The following MARCHF8 variants were observed in gnomAD, a reference collection of about 807,000 sequenced individuals.
MARCHF8 encodes the protein membrane associated ring-CH-type finger 8.
Under a neutral mutation model 51.6 loss-of-function variants are expected in MARCHF8, and 40 were observed. The observed-to-expected ratio is 0.77, with a 90% CI of 0.60 to 1.01. The LOEUF is 1.01. MARCHF8 is among the 50% of genes least tolerant of loss of function. The pLI, the probability that MARCHF8 is intolerant of heterozygous loss-of-function variation, is 0.00. For missense variants in MARCHF8, 685 were observed against 708.6 expected (o/e 0.97, Z 0.38); for synonymous variants, 263 against 280.3 (o/e 0.94, Z 0.62).
chr10:45,486,709 T>G (rs1000390489), intron 3 of MARCHF8, among the ~76,000 whole-genome samples: 3 of 152,284 alleles, frequency 2.0e-5, no homozygotes, highest in African/African-American at 7.2e-5. Context: ...GAGTCAGGTT[T>G]GTTGGCTCAG....
intron 1 of MARCHF8, among the ~76,000 whole-genome samples, chr10:45,555,663 G>A (rs1205314344): frequency 6.6e-6 from 1 of 150,886 alleles, no homozygotes; most frequent in Admixed American, 6.6e-5. Context: ...AGGATCGCTT[G>A]AGCCCAGGAG....
In MARCHF8 at chr10:45,459,130, C is replaced by T. The variant is rs201346647; in HGVS notation, c.1407G>A (p.Gly469=). 3.7e-6 allele frequency: 6 copies of T among 1,614,002 alleles called. No individual in the cohort carries two copies. The Admixed American group carries it at 6.7e-5, about 18-fold the overall frequency. The change falls in exon 7 of 8, where the codon GGG becomes GGA. Residue 469 remains glycine, a synonymous_variant. Coordinates refer to ENST00000453424, the MANE Select transcript of MARCHF8 (RefSeq NM_001282866.2). ...IDRTAEEIKQ[G]QATGILEWPF... ...AGCCTGAGAACTCACCTGTTGCCTGCCCCTGCTTGATCTCCTCAGCAGTAC... is the reference window on the plus strand; with the variant it reads ...AGCCTGAGAACTCACCTGTTGCCTGTCCCTGCTTGATCTCCTCAGCAGTAC...
intron 1 of MARCHF8, among the ~76,000 whole-genome samples, chr10:45,558,513 C>T (rs1404081266): frequency 2.6e-5 from 4 of 152,204 alleles, no homozygotes; most frequent in African/African-American, 4.8e-5. Flanking sequence ...ATCAGCAGCA[C>T]GGAAAGCAGC....
At chr10:45,524,746 T>C (rs1338097863) in intron 2 of MARCHF8, among the ~76,000 whole-genome samples, 1 of 152,064 alleles carries the variant, frequency 6.6e-6, no homozygotes, top group Non-Finnish European at 1.5e-5. Context: ...AAAGTAAAAG[T>C]GTCAGTAAGA....
At chr10:45,568,000 T>C (rs1293625597) in intron 1 of MARCHF8, among the ~76,000 whole-genome samples, 1 of 152,216 alleles carries the variant, frequency 6.6e-6, no homozygotes, top group Non-Finnish European at 1.5e-5. Flanking sequence ...ACCTTTCATT[T>C]ATTTGGGTAA....
At chr10:45,588,389 T>A (rs1245787325) in intron 1 of MARCHF8, among the ~76,000 whole-genome samples, 2 of 152,210 alleles carry the variant, frequency 1.3e-5, no homozygotes, top group Admixed American at 1.3e-4. Flanking sequence ...TGATGATTCT[T>A]TTTTGAGTGC....
chr10:45,482,068 T>C (rs754643666), intron 3 of MARCHF8, among the ~76,000 whole-genome samples: 7 of 152,074 alleles, frequency 4.6e-5, no homozygotes, highest in African/African-American at 1.2e-4. Context: ...CCATTTACAA[T>C]AGCTATACAA....
At chr10:45,503,569 A>AAATAAATAAAT (rs1358394777) in intron 2 of MARCHF8, among the ~76,000 whole-genome samples, 8 of 148,330 alleles carry the variant, frequency 5.4e-5, no homozygotes, top group African/African-American at 7.4e-5. Flanking sequence ...ATAAATAAAT[A>AAATAAATAAAT]AAATAAAAAC....
intron 2 of MARCHF8, among the ~76,000 whole-genome samples, chr10:45,506,908 T>C (rs1435378951): frequency 1.3e-5 from 2 of 152,196 alleles, no homozygotes; most frequent in East Asian, 3.8e-4. Flanking sequence ...CTGACAAATA[T>C]ACTTGTTTCT....
At chr10:45,467,413 G>A (rs528288297) in intron 3 of MARCHF8, among the ~76,000 whole-genome samples, 74 of 152,258 alleles carry the variant, frequency 4.9e-4, no homozygotes, top group African/African-American at 1.6e-3. Context: ...CTTCTGTCAC[G>A]ATCTAAAGGA....
chr10:45,524,492 G>A (rs2043759281), intron 2 of MARCHF8, among the ~76,000 whole-genome samples: 1 of 152,198 alleles, frequency 6.6e-6, no homozygotes, highest in South Asian at 2.1e-4. Flanking sequence ...TTGCAGGTAA[G>A]GTAGATGGAT....
At chr10:45,528,698 A>G (rs572439040) in intron 2 of MARCHF8, among the ~76,000 whole-genome samples, 1 of 152,326 alleles carries the variant, frequency 6.6e-6, no homozygotes, top group African/African-American at 2.4e-5. Context: ...CAAGCTGAGA[A>G]CCAAATCAAG....
At chr10:45,461,510 C>T (rs1156300879) in intron 5 of MARCHF8, 99 bp from the exon 6 acceptor site, 12 of 1,050,606 alleles carry the variant, frequency 1.1e-5, no homozygotes, top group Middle Eastern at 3.4e-4. Context: ...AACTCAGAAA[C>T]GAACATTACA....
intron 1 of MARCHF8, among the ~76,000 whole-genome samples, chr10:45,534,656 G>A (rs754184264): frequency 7.2e-5 from 11 of 152,128 alleles, no homozygotes; most frequent in Non-Finnish European, 1.2e-4. Context: ...AATGAATCTC[G>A]AATTTGGAGA....
chr10:45,544,238 T>C (rs559728217), intron 1 of MARCHF8, among the ~76,000 whole-genome samples: 2 of 152,202 alleles, frequency 1.3e-5, no homozygotes, highest in Non-Finnish European at 2.9e-5. Context: ...TTGTTTGATA[T>C]AGAAAAAATT....
chr10:45,554,275 T>C (rs908479682), intron 1 of MARCHF8, among the ~76,000 whole-genome samples: 4 of 152,154 alleles, frequency 2.6e-5, no homozygotes. Context: ...GAGACAAAGA[T>C]AAAATTAAAG....
chr10:45,510,570 T>C (rs2043479543), intron 2 of MARCHF8, among the ~76,000 whole-genome samples: 2 of 152,168 alleles, frequency 1.3e-5, no homozygotes, highest in African/African-American at 4.8e-5. Context: ...TAAAACTATA[T>C]TTCAACAAAC....
rs2043954962 is a variant in MARCHF8 at position 45,535,225 on chromosome 10, A to G, written c.-93T>C. ...GAGGCACTTACTGCGGAGCTGCCTTATACTCCCTGGGAGATCACAATAGTC... is the reference window on the plus strand; with the variant it reads ...GAGGCACTTACTGCGGAGCTGCCTTGTACTCCCTGGGAGATCACAATAGTC... On this transcript the variant is annotated 5_prime_UTR_variant, in exon 1 of 8. Transcript: ENST00000453424. 1 of 152,244 alleles carries G rather than the reference A, an allele frequency of 6.6e-6. No homozygotes were observed. The highest frequency in any genetic ancestry group is 2.4e-5 in the African/African-American group (1 of 41,460). 9.4% of individuals were successfully genotyped at this position (152,244 alleles called of 1,614,324 possible).
Position 45,459,241 on chromosome 10 carries a change from G to A in MARCHF8, c.1296C>T (p.Ser432=), listed in dbSNP as rs753576822. The change falls in exon 7 of 8, where the codon AGC becomes AGT. Residue 432 remains serine (S), a synonymous_variant. Coordinates refer to ENST00000453424, the MANE Select transcript of MARCHF8 (RefSeq NM_001282866.2). ...CTGAGCACATGATCTTCCTGCGCTCGCTGGACGTCATCTGCAACTTCTCCC... is the reference window on the plus strand; with the variant it reads ...CTGAGCACATGATCTTCCTGCGCTCACTGGACGTCATCTGCAACTTCTCCC... ...RKWEKLQMTS[S]ERRKIMCSVT... The A allele has an allele frequency of 1.2e-5, 19 of 1,613,752 alleles. No individual in the cohort carries two copies. The highest frequency in any genetic ancestry group is 3.3e-5 in the Admixed American group (2 of 59,922).
Sources: gnomAD v4.1 joint callset for allele counts (sites outside exome capture counted in the v4.1 genomes callset) on GRCh38, gnomAD v4.1.1 for gene constraint, MANE v1.5 for transcripts, NCBI Gene and HGNC (gene_info 2026-07-23, HGNC 2026-07-21) for gene names.